Variants in TAB2 observed in about 807,000 individuals in gnomAD.
The protein encoded by TAB2 is TGF-beta-activated kinase 1 and MAP3K7-binding protein 2.
Under a neutral mutation model 65.0 loss-of-function variants are expected in TAB2, and 3 were observed. The ratio of observed to expected loss-of-function variants is 0.05; its 90% confidence interval spans 0.02 to 0.12. The LOEUF (loss-of-function observed/expected upper bound fraction) is 0.12, where lower values mean the gene tolerates loss of function less well. TAB2 is among the 10% of genes least tolerant of loss of function. The pLI, the probability that TAB2 is intolerant of heterozygous loss-of-function variation, is 1.00. For missense variants in TAB2, 623 were observed against 840.3 expected (o/e 0.74, Z 3.20); for synonymous variants, 298 against 285.1 (o/e 1.05, Z -0.46).
intron 1 of TAB2, among the ~76,000 whole-genome samples, chr6:149,367,247 A>G (rs549530243): frequency 5.8e-4 from 88 of 152,200 alleles, no homozygotes; most frequent in South Asian, 1.7e-3. Flanking sequence ...GGGAAGAGTT[A>G]TGGCATTATT....
At chr6:149,389,215 A>G (rs558603886) in intron 3 of TAB2, among the ~76,000 whole-genome samples, 2 of 151,868 alleles carry the variant, frequency 1.3e-5, no homozygotes, top group South Asian at 2.1e-4. Flanking sequence ...CGGCCTCCCA[A>G]AGTGCTGGGA....
chr6:149,262,506 C>T (rs1161370478), intron 1 of TAB2, among the ~76,000 whole-genome samples: 1 of 151,330 alleles, frequency 6.6e-6, no homozygotes, highest in Non-Finnish European at 1.5e-5. Flanking sequence ...GCACTCCAGC[C>T]TGGGCAACAG....
intron 1 of TAB2, chr6:149,247,095 G>A (rs13203475): frequency 0.38 from 58,222 of 151,792 alleles, 11,398 homozygotes; most frequent in East Asian, 0.62. Flanking sequence ...CCCTCTTCCC[G>A]ACAACCCCCA....
intron 1 of TAB2, among the ~76,000 whole-genome samples, chr6:149,360,501 C>T (rs1329179497): frequency 6.6e-6 from 1 of 152,166 alleles, no homozygotes; most frequent in Non-Finnish European, 1.5e-5. Flanking sequence ...GCAGGGGGCA[C>T]TAAACCATTC....
chr6:149,353,926 G>A (rs779482455), intron 1 of TAB2, among the ~76,000 whole-genome samples: 42 of 152,080 alleles, frequency 2.8e-4, no homozygotes, highest in Non-Finnish European at 4.9e-4. Context: ...ATACATACAC[G>A]TATATGTTTT....
chr6:149,276,118 A>G (rs1379724088), intron 1 of TAB2, among the ~76,000 whole-genome samples: 1 of 152,230 alleles, frequency 6.6e-6, no homozygotes, highest in Non-Finnish European at 1.5e-5. Context: ...GGGTGTGGGT[A>G]TATGAGAACT....
chr6:149,406,716 T>C (rs1782676162), intron 6 of TAB2, among the ~76,000 whole-genome samples: 1 of 152,168 alleles, frequency 6.6e-6, no homozygotes, highest in South Asian at 2.1e-4. Flanking sequence ...TTTGTTTGTT[T>C]GTTTATTTTT....
At chr6:149,296,506 A>G (rs191563989) in intron 1 of TAB2, among the ~76,000 whole-genome samples, 3 of 152,250 alleles carry the variant, frequency 2.0e-5, no homozygotes, top group African/African-American at 7.2e-5. Flanking sequence ...TCATCTCTTC[A>G]ATATTTCAAG....
At chr6:149,353,134 A>T (rs1387670681) in intron 1 of TAB2, among the ~76,000 whole-genome samples, 2 of 152,074 alleles carry the variant, frequency 1.3e-5, no homozygotes, top group Non-Finnish European at 2.9e-5. Context: ...AGTAACAGAG[A>T]TGCATGTGTA....
chr6:149,298,569 G>A (rs1170029717), intron 1 of TAB2, among the ~76,000 whole-genome samples: 5 of 152,006 alleles, frequency 3.3e-5, no homozygotes, highest in Non-Finnish European at 5.9e-5. Context: ...TCAAGGCTGC[G>A]GTAATCACAC....
At chr6:149,274,724 A>C (rs990588585) in intron 1 of TAB2, among the ~76,000 whole-genome samples, 4 of 152,242 alleles carry the variant, frequency 2.6e-5, no homozygotes, top group Admixed American at 2.6e-4. Flanking sequence ...AGTGAGGACC[A>C]AGGCAATGCT....
chr6:149,311,463 G>A (rs1285245477), intron 1 of TAB2, among the ~76,000 whole-genome samples: 1 of 152,188 alleles, frequency 6.6e-6, no homozygotes, highest in African/African-American at 2.4e-5. Context: ...TTTGAAAATT[G>A]TTAAAGCACA....
chr6:149,328,093 T>G (rs1779671306), intron 1 of TAB2, among the ~76,000 whole-genome samples: 1 of 152,198 alleles, frequency 6.6e-6, no homozygotes, highest in South Asian at 2.1e-4. Flanking sequence ...TTGAAGTAAT[T>G]AGGTAGAAGA....
At chr6:149,402,244 C>G (rs1037566013) in intron 6 of TAB2, among the ~76,000 whole-genome samples, 1 of 151,566 alleles carries the variant, frequency 6.6e-6, no homozygotes, top group Non-Finnish European at 1.5e-5. Flanking sequence ...ATGAAGACAA[C>G]AGATGCCTCA....
At chr6:149,368,538 A>G (rs1370623753) in intron 1 of TAB2, among the ~76,000 whole-genome samples, 2 of 152,092 alleles carry the variant, frequency 1.3e-5, no homozygotes, top group South Asian at 2.1e-4. Context: ...GAGCAGTTCT[A>G]TAGCATGATT....
At chr6:149,331,377 A>T (rs558626269) in intron 1 of TAB2, among the ~76,000 whole-genome samples, 1 of 152,132 alleles carries the variant, frequency 6.6e-6, no homozygotes, top group African/African-American at 2.4e-5. Flanking sequence ...AATATGTGGC[A>T]GTATGGTTGG....
At chr6:149,329,278 G>A (rs528851718) in intron 1 of TAB2, among the ~76,000 whole-genome samples, 3 of 152,178 alleles carry the variant, frequency 2.0e-5, no homozygotes, top group South Asian at 2.1e-4. Flanking sequence ...GAGTTGATTA[G>A]GACCCAAATT....
chr6:149,397,540 A>T, intron 3 of TAB2, 64 bp from the exon 4 acceptor site: 2 of 1,565,882 alleles, frequency 1.3e-6, no homozygotes, highest in Non-Finnish European at 1.8e-6. Context: ...TGCTTTTCCA[A>T]GTCTGCTTAA....
intron 1 of TAB2, among the ~76,000 whole-genome samples, chr6:149,254,527 T>C (rs1249825980): frequency 6.6e-6 from 1 of 152,156 alleles, no homozygotes; most frequent in Non-Finnish European, 1.5e-5. Flanking sequence ...TCTGAAAGAG[T>C]GTTCAGGCAT....
Sources: allele counts gnomAD v4.1 joint callset (sites outside exome capture counted in the v4.1 genomes callset), GRCh38; gene constraint gnomAD v4.1.1; transcripts MANE v1.5; gene names NCBI Gene and HGNC (gene_info 2026-07-23, HGNC 2026-07-21).